SYT17: variants seen among roughly 807,000 people sequenced by gnomAD.
SYT17 encodes the protein synaptotagmin 17.
SYT17 carries 22 observed loss-of-function variants against 46.7 expected under a neutral mutation model. That is an observed-to-expected ratio of 0.47 (90% CI 0.34 to 0.67). The LOEUF (loss-of-function observed/expected upper bound fraction) is 0.67. Among genes scored for constraint, SYT17 ranks in the 30% least tolerant of loss-of-function variants. SYT17 has a pLI of 0.01. For missense variants in SYT17, 519 were observed against 612.8 expected (o/e 0.85, Z 1.62); for synonymous variants, 251 against 248.4 (o/e 1.01, Z -0.10).
At chr16:19,207,470 C>T (rs229016) in intron 5 of SYT17, among the ~76,000 whole-genome samples, 54,412 of 151,622 alleles carry the variant, frequency 0.36, 10,002 homozygotes, top group Non-Finnish European at 0.4. Flanking sequence ...CTTACAATCA[C>T]GGTGGAAGGC....
rs192843402 is a variant in SYT17, at chr16:19,222,486, G to A, written c.952-559G>A. On this transcript the variant is annotated intron_variant, in intron 5 of 7. Coordinates refer to ENST00000355377, the MANE Select transcript of SYT17 (RefSeq NM_016524.4). The stretch of plus-strand genomic sequence containing the variant: ...GTGTTGCTATCGTGAGGTTAGAAGC[G>A]TGGGATCTGCTGGGGACTCCAGGTT... 3.3e-5 allele frequency among the ~76,000 whole-genome samples: 5 copies of A among 152,040 alleles called. No homozygotes were observed. In the East Asian group the frequency reaches 7.7e-4, roughly 24 times the overall value.
At chr16:19,264,573 C>A (rs147490435) in intron 7 of SYT17, among the ~76,000 whole-genome samples, 1 of 148,652 alleles carries the variant, frequency 6.7e-6, no homozygotes, top group Admixed American at 6.8e-5. Context: ...CATGAGAGTA[C>A]GTGAGACTGA....
rs995820373 is a variant in SYT17 at position 19,183,702 on chromosome 16, A to G, written c.506A>G (p.Asp169Gly). The part of the protein sequence containing the change: ...PHLYSLDSNS[D>G]DVDSLTDEEI... ...CTGTACTCCCTCGACTCCAACAGCGACGATGTGGACTCTCTGACAGACGAG... is the reference window on the plus strand; with the variant it reads ...CTGTACTCCCTCGACTCCAACAGCGGCGATGTGGACTCTCTGACAGACGAG... The change falls in exon 5 of 8, where the codon GAC becomes GGC. Residue 169 changes from aspartate to glycine, a missense_variant. Physicochemically the swap from Asp to Gly is moderately conservative, Grantham distance 94. Transcript: ENST00000355377. This position sits in a 1 kb window ranked among gnomAD's most constrained non-coding sequence, Gnocchi z 5.6. 1 of 1,614,068 alleles carries G rather than the reference A, an allele frequency of 6.2e-7. No homozygotes were observed.
At chr16:19,212,033 G>A (rs1036361436) in intron 5 of SYT17, among the ~76,000 whole-genome samples, 12 of 152,140 alleles carry the variant, frequency 7.9e-5, no homozygotes, top group East Asian at 1.9e-4. Flanking sequence ...TTTCGATCCC[G>A]TAGATAAATT....
chr16:19,266,027 C>T (rs1035083154), intron 7 of SYT17, among the ~76,000 whole-genome samples: 2 of 152,232 alleles, frequency 1.3e-5, no homozygotes, highest in Non-Finnish European at 2.9e-5. Context: ...GCTCTTACCA[C>T]CTGCTTGGCA....
At chr16:19,237,895 C>T (rs1446190502) in intron 7 of SYT17, among the ~76,000 whole-genome samples, 1 of 152,204 alleles carries the variant, frequency 6.6e-6, no homozygotes, top group Non-Finnish European at 1.5e-5. Context: ...GGTTGGGGGA[C>T]TATGAGTTTG....
chr16:19,174,852 C>T (rs907473126), intron 3 of SYT17, among the ~76,000 whole-genome samples: 2 of 152,196 alleles, frequency 1.3e-5, no homozygotes, highest in African/African-American at 2.4e-5. Flanking sequence ...CGCAGTGGCT[C>T]ATGCCTGTAA....
At chr16:19,173,101 G>C (rs558020339) in intron 2 of SYT17, 1 of 552,198 alleles carries the variant, frequency 1.8e-6, no homozygotes, top group East Asian at 3.0e-5. Context: ...CGAACATATC[G>C]TATAGCCCTT....
intron 5 of SYT17, among the ~76,000 whole-genome samples, chr16:19,205,148 T>C (rs1407396910): frequency 6.6e-6 from 1 of 152,218 alleles, no homozygotes; most frequent in Non-Finnish European, 1.5e-5. Flanking sequence ...TGTCAGTTCA[T>C]GTCTTACTCC....
chr16:19,232,345 C>T (rs567210972), intron 7 of SYT17, among the ~76,000 whole-genome samples: 2 of 152,268 alleles, frequency 1.3e-5, no homozygotes, highest in East Asian at 1.9e-4. Flanking sequence ...ATCTGCGTCG[C>T]CCAGGGATTT....
At chr16:19,203,016 G>A (rs192327895) in intron 5 of SYT17, among the ~76,000 whole-genome samples, 2 of 152,270 alleles carry the variant, frequency 1.3e-5, no homozygotes, top group African/African-American at 2.4e-5. Context: ...TGCCAGCAAC[G>A]GGGACGAGGA....
At chr16:19,172,516 C>T (rs949696126) in intron 1 of SYT17, 1 of 1,493,024 alleles carries the variant, frequency 6.7e-7, no homozygotes, top group African/African-American at 1.4e-5. Context: ...GCTAAAGTTT[C>T]CCATTTATTT....
chr16:19,211,771 G>A (rs992623201), intron 5 of SYT17, among the ~76,000 whole-genome samples: 16 of 152,024 alleles, frequency 1.1e-4, no homozygotes, highest in East Asian at 9.7e-4. Flanking sequence ...GACTACAGGC[G>A]CCCGCCACCA....
chr16:19,191,960 A>C (rs150755570), intron 5 of SYT17, among the ~76,000 whole-genome samples: 2 of 151,778 alleles, frequency 1.3e-5, no homozygotes, highest in East Asian at 3.9e-4. Flanking sequence ...AATTTTTTGT[A>C]TTTTTAGTAG....
At chr16:19,256,645 C>T (rs1160536882) in intron 7 of SYT17, among the ~76,000 whole-genome samples, 1 of 151,892 alleles carries the variant, frequency 6.6e-6, no homozygotes. Flanking sequence ...GTGGTATGAT[C>T]ATGCCTCACT....
chr16:19,249,899 C>A lies in SYT17; in HGVS notation c.1229-16981C>A, dbSNP rs917051734. The A allele has an allele frequency of 3.3e-6, 5 of 1,531,948 alleles. No homozygotes were observed. The African/African-American group carries it at 5.5e-5, about 17-fold the overall frequency. 94.9% of individuals were successfully genotyped at this position (1,531,948 alleles called of 1,614,324 possible). Reference sequence around the variant, plus strand: ...CCAGGTCGTCTTGTCTTGCTCACTCCCTTGTCCCCAGCAGATTCACCAAGT... The same window carrying A: ...CCAGGTCGTCTTGTCTTGCTCACTCACTTGTCCCCAGCAGATTCACCAAGT... On this transcript the variant is annotated intron_variant, in intron 7 of 7. Coordinates refer to ENST00000355377, the MANE Select transcript of SYT17 (RefSeq NM_016524.4).
intron 5 of SYT17, among the ~76,000 whole-genome samples, chr16:19,208,408 A>G (rs918417881): frequency 1.3e-5 from 2 of 152,208 alleles, no homozygotes; most frequent in East Asian, 3.9e-4. Flanking sequence ...CAGGAAACTT[A>G]CAATCATGGT....
At chr16:19,252,756 A>G (rs1165721558) in intron 7 of SYT17, among the ~76,000 whole-genome samples, 1 of 151,382 alleles carries the variant, frequency 6.6e-6, no homozygotes, top group African/African-American at 2.4e-5. Flanking sequence ...CATTAGGGTC[A>G]CTGGGAAAAC....
chr16:19,239,512 C>T (rs1966933423), intron 7 of SYT17, among the ~76,000 whole-genome samples: 1 of 152,094 alleles, frequency 6.6e-6, no homozygotes, highest in Admixed American at 6.5e-5. Flanking sequence ...TATTTTTCTT[C>T]TATCAGATGC....
Sources: allele counts gnomAD v4.1 joint callset (sites outside exome capture counted in the v4.1 genomes callset), GRCh38; gene constraint gnomAD v4.1.1; non-coding constraint Gnocchi (gnomAD v3.1); transcripts MANE v1.5; gene names NCBI Gene and HGNC (gene_info 2026-07-23, HGNC 2026-07-21).